FBXO27: variants seen among roughly 807,000 people sequenced by gnomAD.
The protein encoded by FBXO27 is F-box only protein 27.
FBXO27 carries 28 observed loss-of-function variants against 28.3 expected under a neutral mutation model. That is an observed-to-expected ratio of 0.99 (90% CI 0.73 to 1.36). FBXO27 has a LOEUF of 1.36. Ranked by LOEUF, FBXO27 falls within the 40% of genes most tolerant of loss-of-function variation. FBXO27 has a pLI of 0.00. For missense variants in FBXO27, 388 were observed against 394.1 expected (o/e 0.98, Z 0.13); for synonymous variants, 175 against 167.3 (o/e 1.05, Z -0.36).
At chr19:39,027,612 T>C (rs1356690120) in intron 4 of FBXO27, among the ~76,000 whole-genome samples, 1 of 152,078 alleles carries the variant, frequency 6.6e-6, no homozygotes, top group Non-Finnish European at 1.5e-5. Context: ...AAGTGTGTAG[T>C]AGCTTTCTGT....
downstream of FBXO27, among the ~76,000 whole-genome samples, chr19:39,023,346 C>T (rs949017518): frequency 2.0e-5 from 3 of 152,156 alleles, no homozygotes; most frequent in African/African-American, 4.8e-5. Flanking sequence ...TCTGGCTTAT[C>T]GAAAGCTTTG....
At chr19:39,027,872 A>G (rs2144900994) in intron 4 of FBXO27, among the ~76,000 whole-genome samples, 1 of 152,242 alleles carries the variant, frequency 6.6e-6, no homozygotes, top group Middle Eastern at 3.4e-3. Flanking sequence ...TTGTTGTGAC[A>G]TATCATGTCA....
Position 39,032,154 on chromosome 19 carries a change from TC to T in FBXO27, c.73del (p.Asp25ThrfsTer2). On this transcript the variant is annotated frameshift_variant, in exon 2 of 6. Coordinates refer to ENST00000292853, the MANE Select transcript of FBXO27 (RefSeq NM_178820.5). LOFTEE classifies it high-confidence loss of function. This position sits in a 1 kb window ranked among gnomAD's most constrained non-coding sequence, Gnocchi z 4.7. ...CAGCTCTGGGGGTAGTTGGCTCAGG[TC>T]CAGCGCCTCTTCGGGTTCCGGCTCC... is the stretch of plus-strand genomic sequence containing the variant. Reference protein sequence around the residue: ...APEPEPEEALDLSQLPPELLL... With the variant: ...APEPEPEEALXLSQLPPELLL... 1 of 1,537,914 alleles carries T rather than the reference TC, an allele frequency of 6.5e-7. No individual in the cohort carries two copies. Among genetic ancestry groups the T allele is most frequent in the Admixed American group, 2.0e-5 (1 of 49,374 alleles).
At chr19:39,018,054 C>T (rs1321783605) in intron 1 of FBXO27, among the ~76,000 whole-genome samples, 3 of 152,130 alleles carry the variant, frequency 2.0e-5, no homozygotes, top group Non-Finnish European at 4.4e-5. Flanking sequence ...CGATCTCGCT[C>T]GCTGCAACCT....
chr19:39,021,561 TAAC>T (rs1476981749), downstream of FBXO27, among the ~76,000 whole-genome samples: 1 of 152,212 alleles, frequency 6.6e-6, no homozygotes, highest in East Asian at 1.9e-4. Context: ...TATAATATAA[TAAC>T]ATACAACATA....
chr19:39,026,060 A>G (rs11667641), intron 5 of FBXO27, among the ~76,000 whole-genome samples: 72,932 of 151,804 alleles, frequency 0.48, 17,687 homozygotes, highest in Middle Eastern at 0.58. Flanking sequence ...CCCATGAATC[A>G]AGGTGGGTTT....
chr19:39,026,800 T>G, intron 5 of FBXO27, 70 bp downstream of exon 5: 2 of 1,601,008 alleles, frequency 1.2e-6, no homozygotes, highest in Non-Finnish European at 1.7e-6. Context: ...AGCCACTAAG[T>G]TTTGGGGTGA....
Position 39,006,257 on chromosome 19 carries a change from T to C in FBXO27, c.252+8130A>G, listed in dbSNP as rs553394781. ...GCAAACATGGTGAAAAACCCGTCTTTACTGAAAATACAAAAATTGGCCAGG... is the reference window on the plus strand; with the variant it reads ...GCAAACATGGTGAAAAACCCGTCTTCACTGAAAATACAAAAATTGGCCAGG... On this transcript the variant is annotated intron_variant, in intron 2 of 2. Transcript: ENST00000598394. Among the ~76,000 whole-genome samples, 24 of 151,914 alleles carry C rather than the reference T, an allele frequency of 1.6e-4. 1 individual carries two copies. The South Asian group carries it at 4.2e-3, about 26-fold the overall frequency.
intron 2 of FBXO27, among the ~76,000 whole-genome samples, chr19:39,013,031 T>C (rs2072803426): frequency 6.6e-6 from 1 of 152,150 alleles, no homozygotes; most frequent in Admixed American, 6.6e-5. Flanking sequence ...TGTTTTTCTA[T>C]AACCTCTTTC....
At chr19:39,031,829 C>A in intron 2 of FBXO27, 35 bp downstream of exon 2, 1 of 1,450,738 alleles carries the variant, frequency 6.9e-7, no homozygotes, top group Non-Finnish European at 9.0e-7. Context: ...CCCACTGTGG[C>A]CCAGCATCCT....
downstream of FBXO27, among the ~76,000 whole-genome samples, chr19:39,022,096 T>C (rs2072847759): frequency 6.6e-6 from 1 of 151,936 alleles, no homozygotes; most frequent in Admixed American, 6.6e-5. Flanking sequence ...AATTCAAGTT[T>C]TTACTTTTTG....
intron 2 of FBXO27, among the ~76,000 whole-genome samples, chr19:39,014,170 T>C (rs2072808904): frequency 6.6e-6 from 1 of 152,162 alleles, no homozygotes; most frequent in Non-Finnish European, 1.5e-5. Context: ...GCGCCCGTTT[T>C]TAATTTAGCA....
At position 39,025,329 on chromosome 19, in the gene FBXO27, T is replaced by C. The variant is rs779741145; in HGVS notation, c.*82A>G. The C allele has an allele frequency of 3.2e-4, 483 of 1,501,312 alleles. 1 individual carries two copies. Among genetic ancestry groups the C allele is most frequent in the Non-Finnish European group, 4.1e-4 (461 of 1,115,678 alleles). 93.0% of individuals were successfully genotyped at this position (1,501,312 alleles called of 1,614,324 possible). A position where few individuals can be genotyped will look rare whatever the true frequency, so the allele number is the denominator to read the frequency against. The stretch of plus-strand genomic sequence containing the variant: ...ATGCCAGGGAGGTACAAGTGCTTGG[T>C]TGGTTAATGAGGGGTCCCAGCCAAT... On this transcript the variant is annotated 3_prime_UTR_variant, in exon 6 of 6. Transcript: ENST00000292853.
At chr19:39,010,775 G>A (rs999283619) in intron 2 of FBXO27, among the ~76,000 whole-genome samples, 2 of 152,234 alleles carry the variant, frequency 1.3e-5, no homozygotes, top group Non-Finnish European at 2.9e-5. Flanking sequence ...TGAGCTGCTA[G>A]TCTCTGCCAG....
At chr19:39,020,755 CAAA>C (rs61577516), downstream of FBXO27, among the ~76,000 whole-genome samples, 69 of 105,262 alleles carry the variant, frequency 6.6e-4, no homozygotes, top group Admixed American at 2.9e-3. Flanking sequence ...GTGGATATGG[CAAA>C]AAAAAAAAAA....
chr19:39,006,783 G>A (rs1049202041), intron 2 of FBXO27, among the ~76,000 whole-genome samples: 5 of 151,766 alleles, frequency 3.3e-5, no homozygotes, highest in African/African-American at 4.8e-5. Context: ...ACACACACAC[G>A]AAATATAATC....
At position 39,031,201 on chromosome 19, in the gene FBXO27, G is replaced by T. The variant is rs1384016391; in HGVS notation, c.476+8C>A. Reference sequence around the variant, plus strand: ...GGGGCCGGACCTTTGGATAGCAGGGGCATTCACCTGAATGAAGTCACGAAG... The same window carrying T: ...GGGGCCGGACCTTTGGATAGCAGGGTCATTCACCTGAATGAAGTCACGAAG... On this transcript the variant is annotated splice_region_variant and intron_variant, in intron 3 of 5. Coordinates refer to ENST00000292853, the MANE Select transcript of FBXO27 (RefSeq NM_178820.5). The T allele has an allele frequency of 6.2e-7, 1 of 1,613,710 alleles. No homozygotes were observed. Among genetic ancestry groups the T allele is most frequent in the Non-Finnish European group, 8.5e-7 (1 of 1,179,598 alleles).
chr19:39,021,346 C>G (rs1348737302), downstream of FBXO27, among the ~76,000 whole-genome samples: 2 of 152,092 alleles, frequency 1.3e-5, no homozygotes, highest in African/African-American at 4.8e-5. Flanking sequence ...TCCCTCTCCA[C>G]CTCCATCACC....
At chr19:39,021,966 C>T (rs956049454), downstream of FBXO27, among the ~76,000 whole-genome samples, 2 of 151,840 alleles carry the variant, frequency 1.3e-5, no homozygotes, top group South Asian at 4.2e-4. Flanking sequence ...CGGCTATCCT[C>T]AGATTTTTAA....
Sources: gnomAD v4.1 joint callset for allele counts (sites outside exome capture counted in the v4.1 genomes callset) on GRCh38, gnomAD v4.1.1 for gene constraint, Gnocchi (gnomAD v3.1) non-coding constraint, MANE v1.5 for transcripts, NCBI Gene and HGNC (gene_info 2026-07-23, HGNC 2026-07-21) for gene names.